The following GALNT14 variants were observed in gnomAD, a reference collection of about 807,000 sequenced individuals.
The protein encoded by GALNT14 is polypeptide N-acetylgalactosaminyltransferase 14, also known as UDP-GalNAc:polypeptide N-acetylgalactosaminyltransferase 14.
A neutral mutation model predicts 77.5 loss-of-function variants in GALNT14; 60 were observed. The observed-to-expected ratio is 0.77, with a 90% confidence interval of 0.63 to 0.96. The LOEUF is 0.96. GALNT14 is among the 40% of genes least tolerant of loss of function. The pLI is 0.00. For synonymous variants in GALNT14, 280 were observed against 281.7 expected, an observed-to-expected ratio of 0.99 and a Z score of 0.06; for missense variants, 710 against 731.0, an observed-to-expected ratio of 0.97 and a Z score of 0.33.
intron 4 of GALNT14, among the ~76,000 whole-genome samples, chr2:30,957,995 G>T (rs984703191): frequency 1.3e-5 from 2 of 152,180 alleles, no homozygotes; most frequent in Admixed American, 6.5e-5. Flanking sequence ...TGAGACTCAG[G>T]TTCTTTGATA....
chr2:31,073,615 G>A (rs892565546), intron 1 of GALNT14, among the ~76,000 whole-genome samples: 4 of 151,952 alleles, frequency 2.6e-5, no homozygotes, highest in African/African-American at 9.7e-5. Flanking sequence ...ACCAGCTAGG[G>A]GCCGGCGGGA....
intron 1 of GALNT14, among the ~76,000 whole-genome samples, chr2:31,048,763 G>C (rs1038703000): frequency 6.6e-6 from 1 of 152,108 alleles, no homozygotes; most frequent in Admixed American, 6.5e-5. Context: ...CCCTTGCTCT[G>C]TGTTGCTGTC....
At chr2:31,053,480 C>T (rs995658895) in intron 1 of GALNT14, among the ~76,000 whole-genome samples, 4 of 152,032 alleles carry the variant, frequency 2.6e-5, no homozygotes, top group African/African-American at 7.2e-5. Flanking sequence ...TACACAGCTC[C>T]AACCCCGATA....
chr2:30,910,903 A>C lies in GALNT14; in HGVS notation c.1657T>G (p.Ter553GlyextTer84), dbSNP rs1175414446. The C allele has an allele frequency of 6.2e-7, 1 of 1,613,174 alleles. No homozygotes were observed. The highest frequency in any genetic ancestry group is 2.2e-5 in the East Asian group (1 of 44,778). The change falls in exon 15 of 15, where the codon TGA becomes GGA. Residue 553 changes from the stop codon to glycine (G), a stop_lost. Transcript: ENST00000349752. ...CTTGCTGCTTCTGGCAGGGGTCCTC[A>C]AGAGCTCACCATGTCCCAGTGCTGG... ...MSQHWDMVSS[*>G]
intron 1 of GALNT14, among the ~76,000 whole-genome samples, chr2:31,094,481 CTG>C (rs1281163786): frequency 7.2e-5 from 11 of 152,224 alleles, no homozygotes; most frequent in Admixed American, 7.2e-4. Context: ...GAGGCCATAA[CTG>C]TTTGTGTGAT....
At chr2:31,079,183 G>A in intron 1 of GALNT14, 2 of 578,072 alleles carry the variant, frequency 3.5e-6, no homozygotes, top group Non-Finnish European at 5.0e-6. Flanking sequence ...CATCAGTGTG[G>A]AAGTTGGCTG....
At chr2:30,955,159 T>C (rs1667279772) in intron 6 of GALNT14, among the ~76,000 whole-genome samples, 1 of 152,172 alleles carries the variant, frequency 6.6e-6, no homozygotes, top group African/African-American at 2.4e-5. Context: ...GCATCTAGCC[T>C]GCCTGCTTGG....
chr2:31,035,587 A>G (rs868366476), intron 1 of GALNT14, among the ~76,000 whole-genome samples: 85 of 75,848 alleles, frequency 1.1e-3, no homozygotes, highest in African/African-American at 1.9e-3. Context: ...GTGTGTGTGT[A>G]TACATATACA....
chr2:31,066,272 G>A (rs79733131), intron 1 of GALNT14, among the ~76,000 whole-genome samples: 29 of 152,296 alleles, frequency 1.9e-4, no homozygotes, highest in South Asian at 2.1e-4. Flanking sequence ...AAGGGAGACC[G>A]ATGAAGAATT....
intron 10 of GALNT14, among the ~76,000 whole-genome samples, chr2:30,931,100 A>C (rs1021715647): frequency 8.5e-5 from 13 of 152,142 alleles, no homozygotes; most frequent in Admixed American, 7.9e-4. Flanking sequence ...TTTGCTCCCC[A>C]CTGCTTCCTG....
intron 1 of GALNT14, among the ~76,000 whole-genome samples, chr2:31,130,403 T>C (rs1348793147): frequency 6.6e-6 from 1 of 152,220 alleles, no homozygotes; most frequent in Non-Finnish European, 1.5e-5. Context: ...CAGCCACCAC[T>C]GGAGCCCTGG....
At chr2:31,114,591 C>T (rs962915509) in intron 1 of GALNT14, among the ~76,000 whole-genome samples, 1 of 151,864 alleles carries the variant, frequency 6.6e-6, no homozygotes, top group Non-Finnish European at 1.5e-5. Context: ...CACACAAGAG[C>T]AAAAATACAA....
intron 8 of GALNT14, 55 bp downstream of exon 8, chr2:30,944,803 G>C: frequency 7.3e-7 from 1 of 1,374,286 alleles, no homozygotes. Flanking sequence ...CCCTACACTT[G>C]ACAGGATCCA....
intron 1 of GALNT14, among the ~76,000 whole-genome samples, chr2:31,080,308 T>C (rs1451555698): frequency 1.3e-5 from 2 of 152,264 alleles, no homozygotes; most frequent in East Asian, 3.8e-4. Context: ...CCATTTTAGA[T>C]ATGTAATGAA....
At chr2:30,887,993 C>T in the GALNT14 span, among the ~76,000 whole-genome samples, 388 of 152,318 alleles carry the variant, frequency 2.5e-3, 1 homozygote, top group African/African-American at 8.8e-3. Context: ...TCCTTGATGC[C>T]TGTACTGCTG....
chr2:30,956,972 G>A (rs1667408963), intron 4 of GALNT14, among the ~76,000 whole-genome samples: 1 of 152,142 alleles, frequency 6.6e-6, no homozygotes, highest in Non-Finnish European at 1.5e-5. Context: ...ACACAGAGCT[G>A]GTTCACTTCT....
At chr2:31,111,325 C>T (rs1677823325) in intron 1 of GALNT14, among the ~76,000 whole-genome samples, 2 of 152,340 alleles carry the variant, frequency 1.3e-5, no homozygotes, top group African/African-American at 4.8e-5. Flanking sequence ...AGTCTCCAGG[C>T]AAAAGGGCCA....
chr2:31,132,272 A>C (rs569575266), intron 1 of GALNT14, among the ~76,000 whole-genome samples: 2 of 152,342 alleles, frequency 1.3e-5, no homozygotes, highest in African/African-American at 4.8e-5. Context: ...TACCCATGGG[A>C]TAGAGGCTCA....
At chr2:31,101,874 G>C (rs1254804311) in intron 1 of GALNT14, among the ~76,000 whole-genome samples, 1 of 152,008 alleles carries the variant, frequency 6.6e-6, no homozygotes, top group Admixed American at 6.6e-5. Flanking sequence ...TGCTGTTCTT[G>C]TGACAGTGAA....
Sources: gnomAD v4.1 joint callset for allele counts (sites outside exome capture counted in the v4.1 genomes callset) on GRCh38, gnomAD v4.1.1 for gene constraint, MANE v1.5 for transcripts, NCBI Gene and HGNC (gene_info 2026-07-23, HGNC 2026-07-21) for gene names.